Variants in RBFOX1 observed in about 807,000 individuals in gnomAD.
RBFOX1 encodes RNA binding fox-1 homolog 1.
A neutral mutation model predicts 57.7 loss-of-function variants in RBFOX1; 8 were observed. The ratio of observed to expected loss-of-function variants is 0.14; its 90% CI spans 0.08 to 0.25. RBFOX1 has a LOEUF of 0.25. RBFOX1 is among the 10% of genes least tolerant of loss of function. The pLI, the probability that RBFOX1 is intolerant of heterozygous loss-of-function variation, is 1.00. For synonymous variants in RBFOX1, 326 were observed against 222.4 expected, an observed-to-expected ratio of 1.47 and a Z score of -4.15; for missense variants, 611 against 548.5, an observed-to-expected ratio of 1.11 and a Z score of -1.14.
intron 4 of RBFOX1, among the ~76,000 whole-genome samples, chr16:7,235,994 G>A (rs1412548032): frequency 6.6e-6 from 1 of 152,138 alleles, no homozygotes; most frequent in Non-Finnish European, 1.5e-5. Flanking sequence ...TTGCTGATTA[G>A]TAACTAGAGA....
intron 4 of RBFOX1, among the ~76,000 whole-genome samples, chr16:7,186,325 CATAAACATATTTATATAAATATAAACAT>C (rs2083789651): frequency 1.6e-5 from 1 of 64,064 alleles, no homozygotes; most frequent in Non-Finnish European, 2.6e-5. Context: ...TAAATATAAA[CATAAACATATTTATATAAATATAAACAT>C]AAACATATTT....
At chr16:5,546,125 A>G (rs985205530) in intron 2 of RBFOX1, among the ~76,000 whole-genome samples, 5 of 152,358 alleles carry the variant, frequency 3.3e-5, no homozygotes, top group African/African-American at 1.2e-4. Flanking sequence ...CTAAATTTGT[A>G]TGATTCATAT....
intron 4 of RBFOX1, among the ~76,000 whole-genome samples, chr16:7,104,485 A>C (rs1007275585): frequency 6.6e-6 from 1 of 152,182 alleles, no homozygotes. Flanking sequence ...GTAAAATTTA[A>C]AAACATAATC....
At position 7,118,239 on chromosome 16, in the gene RBFOX1, A is replaced by G. The variant is rs528935866; in HGVS notation, c.27+66141A>G. Reference sequence around the variant, plus strand: ...TAAGAGTCCCCATTTCACCACATCCATGCTAACATCTATTGTTGTTTCACT... The same window carrying G: ...TAAGAGTCCCCATTTCACCACATCCGTGCTAACATCTATTGTTGTTTCACT... On this transcript the variant is annotated intron_variant, in intron 4 of 15. Transcript: ENST00000550418. 3.3e-5 allele frequency among the ~76,000 whole-genome samples: 5 copies of G among 152,256 alleles called. No individual in the cohort carries two copies. In the South Asian group the frequency reaches 1.0e-3, roughly 32 times the overall value.
intron 1 of RBFOX1, among the ~76,000 whole-genome samples, chr16:6,158,910 G>T (rs1172794608): frequency 1.4e-5 from 2 of 145,076 alleles, no homozygotes; most frequent in Non-Finnish European, 3.0e-5. Flanking sequence ...TCATAGGTTT[G>T]TTTTTTTTTT....
intron 12 of RBFOX1, among the ~76,000 whole-genome samples, chr16:7,657,080 G>C (rs1184161110): frequency 6.6e-6 from 1 of 152,102 alleles, no homozygotes; most frequent in African/African-American, 2.4e-5. Flanking sequence ...TCTTCCTGAA[G>C]TATCCAATAT....
chr16:6,879,045 G>C (rs907205600), intron 3 of RBFOX1, among the ~76,000 whole-genome samples: 1 of 152,194 alleles, frequency 6.6e-6, no homozygotes. Context: ...CACACGTGTA[G>C]TAGTGTTTCA....
intron 4 of RBFOX1, among the ~76,000 whole-genome samples, chr16:7,075,004 A>G (rs1346287505): frequency 6.6e-6 from 1 of 152,148 alleles, no homozygotes; most frequent in Non-Finnish European, 1.5e-5. Flanking sequence ...AAGGGTGAGA[A>G]TTAAAGAAAA....
chr16:6,966,340 G>T (rs1287483872), intron 3 of RBFOX1, among the ~76,000 whole-genome samples: 2 of 152,078 alleles, frequency 1.3e-5, no homozygotes, highest in Non-Finnish European at 2.9e-5. Context: ...TTGGCTCTCA[G>T]AGCACACACA....
intron 2 of RBFOX1, among the ~76,000 whole-genome samples, chr16:6,571,631 A>T (rs1299980594): frequency 6.6e-6 from 1 of 152,168 alleles, no homozygotes; most frequent in East Asian, 1.9e-4. Context: ...TCAGCTCATT[A>T]CAGAGAATCT....
intron 4 of RBFOX1, among the ~76,000 whole-genome samples, chr16:5,914,922 AAAAG>A (rs1038250056): frequency 2.6e-5 from 4 of 152,044 alleles, no homozygotes; most frequent in Non-Finnish European, 5.9e-5. Context: ...AAAACAAAAA[AAAAG>A]AGAGTCTATG....
At chr16:5,544,541 A>G (rs2045104013) in intron 2 of RBFOX1, among the ~76,000 whole-genome samples, 1 of 152,210 alleles carries the variant, frequency 6.6e-6, no homozygotes, top group South Asian at 2.1e-4. Context: ...AATAAAGATC[A>G]GAGAGAAATT....
chr16:7,404,076 G>A (rs571955992), intron 4 of RBFOX1, among the ~76,000 whole-genome samples: 14 of 31,642 alleles, frequency 4.4e-4, no homozygotes, highest in East Asian at 3.2e-3. Context: ...TTATTGAGAC[G>A]GAGTCTCACT....
At chr16:6,052,417 C>A (rs1567338558) in intron 1 of RBFOX1, among the ~76,000 whole-genome samples, 1 of 152,144 alleles carries the variant, frequency 6.6e-6, no homozygotes, top group Non-Finnish European at 1.5e-5. Flanking sequence ...GATTTTATTT[C>A]TTTAACGCAC....
At position 7,713,277 on chromosome 16, in the gene RBFOX1, G is replaced by A. The variant is rs1243066637; in HGVS notation, c.*2532G>A. ...AATTAGTGTTTATATCACTTACAGT[G>A]GTTTGTGAATAAAGAAAACTGGTTT... On this transcript the variant is annotated 3_prime_UTR_variant, in exon 16 of 16. Coordinates refer to ENST00000550418, the MANE Select transcript of RBFOX1 (RefSeq NM_018723.4). 6.6e-5 allele frequency: 10 copies of A among 152,104 alleles called. No individual in the cohort carries two copies. The highest frequency in any genetic ancestry group is 6.5e-4 in the Admixed American group (10 of 15,278). The allele number at this position is 152,104 out of a possible 1,614,324, so 9.4% of individuals were successfully genotyped here. A position where few individuals can be genotyped will look rare whatever the true frequency, so the allele number is the denominator to read the frequency against.
intron 4 of RBFOX1, among the ~76,000 whole-genome samples, chr16:7,103,681 C>G (rs891522067): frequency 5.9e-5 from 9 of 152,088 alleles, no homozygotes; most frequent in African/African-American, 2.2e-4. Flanking sequence ...ATAAAAATGA[C>G]TTAAAGAAAC....
chr16:6,407,307 A>G (rs1041193836), intron 2 of RBFOX1, among the ~76,000 whole-genome samples: 2 of 152,112 alleles, frequency 1.3e-5, no homozygotes, highest in African/African-American at 2.4e-5. Flanking sequence ...ATATGTACAT[A>G]TACATTTTCT....
At chr16:6,379,821 G>T (rs911136069) in intron 2 of RBFOX1, among the ~76,000 whole-genome samples, 12 of 152,134 alleles carry the variant, frequency 7.9e-5, no homozygotes, top group Admixed American at 3.3e-4. Context: ...GCAAGAAGGG[G>T]GATATGTTAG....
intron 4 of RBFOX1, among the ~76,000 whole-genome samples, chr16:7,413,712 G>C (rs905612382): frequency 2.0e-5 from 3 of 152,054 alleles, no homozygotes; most frequent in Admixed American, 1.3e-4. Flanking sequence ...AAATGGATAG[G>C]ATTCAAACAA....
Sources: allele counts gnomAD v4.1 joint callset (sites outside exome capture counted in the v4.1 genomes callset), GRCh38; gene constraint gnomAD v4.1.1; transcripts MANE v1.5; gene names NCBI Gene and HGNC (gene_info 2026-07-23, HGNC 2026-07-21).